AGAP1: variants seen among roughly 807,000 people sequenced by gnomAD.
The protein encoded by AGAP1 is arf-GAP with GTPase, ANK repeat and PH domain-containing protein 1.
A neutral mutation model predicts 105.3 loss-of-function variants in AGAP1; 29 were observed. The ratio of observed to expected loss-of-function variants is 0.28; its 90% confidence interval spans 0.21 to 0.38. The LOEUF (loss-of-function observed/expected upper bound fraction) is 0.38. Ranked by LOEUF, AGAP1 falls within the 10% of genes least tolerant of loss-of-function variation. The pLI, the probability that AGAP1 is intolerant of heterozygous loss-of-function variation, is 1.00. For missense variants in AGAP1, 998 were observed against 1,165.1 expected (o/e 0.86, Z 2.09); for synonymous variants, 509 against 485.9 (o/e 1.05, Z -0.63).
chr2:235,672,358 AG>A (rs1948481878), intron 1 of AGAP1, among the ~76,000 whole-genome samples: 1 of 152,252 alleles, frequency 6.6e-6, no homozygotes, highest in Non-Finnish European at 1.5e-5. Flanking sequence ...GTTGAAACCA[AG>A]CAGTGGCATG....
In AGAP1 at chr2:236,046,980, T is replaced by A. The variant is rs1030485398; in HGVS notation, c.1892-2079T>A. On this transcript the variant is annotated intron_variant, in intron 15 of 17. Transcript: ENST00000304032. The surrounding 1 kb of genome is among the most constrained non-coding windows in gnomAD (Gnocchi z 5.2). ...CCATCTGTGCAAAAAATGTAAGAAG[T>A]TAGCCAGGCATGGTGATGTGCACCT... Among the ~76,000 whole-genome samples the A allele has an allele frequency of 6.6e-6, 1 of 152,120 alleles. No individual in the cohort carries two copies. The highest frequency in any genetic ancestry group is 1.5e-5 in the Non-Finnish European group (1 of 68,022).
intron 1 of AGAP1, among the ~76,000 whole-genome samples, chr2:235,571,689 A>G (rs1032662770): frequency 2.0e-5 from 3 of 152,098 alleles, no homozygotes; most frequent in Non-Finnish European, 4.4e-5. Flanking sequence ...CACCTGGGAT[A>G]TGGCTTGCTG....
chr2:235,590,967 T>C (rs1309608933), intron 1 of AGAP1, among the ~76,000 whole-genome samples: 1 of 151,758 alleles, frequency 6.6e-6, no homozygotes, highest in Non-Finnish European at 1.5e-5. Flanking sequence ...GTGATCCGCC[T>C]GTCTCGGCCT....
intron 1 of AGAP1, among the ~76,000 whole-genome samples, chr2:235,629,712 T>C (rs1463215368): frequency 7.8e-6 from 1 of 128,738 alleles, no homozygotes; most frequent in Non-Finnish European, 1.7e-5. Context: ...CTACAATAAA[T>C]GTAAAAAAAA....
intron 1 of AGAP1, among the ~76,000 whole-genome samples, chr2:235,697,125 G>A (rs1482519658): frequency 6.6e-6 from 1 of 152,206 alleles, no homozygotes; most frequent in Non-Finnish European, 1.5e-5. Flanking sequence ...GCACCAGCCA[G>A]CTTTAGGTCT....
chr2:235,658,800 G>A (rs1947854402), intron 1 of AGAP1, among the ~76,000 whole-genome samples: 1 of 152,214 alleles, frequency 6.6e-6, no homozygotes, highest in African/African-American at 2.4e-5. Flanking sequence ...CAAATGAAAT[G>A]GGAGCCTGTT....
intron 1 of AGAP1, among the ~76,000 whole-genome samples, chr2:235,584,146 C>A (rs1240281310): frequency 6.6e-6 from 1 of 151,490 alleles, no homozygotes; most frequent in Non-Finnish European, 1.5e-5. Flanking sequence ...AGGCTGTCTT[C>A]CAGCCTTGCC....
At chr2:235,536,447 T>C (rs865964498) in intron 1 of AGAP1, among the ~76,000 whole-genome samples, 4 of 62,168 alleles carry the variant, frequency 6.4e-5, no homozygotes, top group African/African-American at 1.6e-4. Flanking sequence ...AGCAGGACCC[T>C]GGGGTTTGTT....
chr2:235,536,142 T>TACACACAC (rs58090095), intron 1 of AGAP1, among the ~76,000 whole-genome samples: 6 of 16,408 alleles, frequency 3.7e-4, no homozygotes, highest in African/African-American at 1.4e-3. Flanking sequence ...TGTGGCATCC[T>TACACACAC]ACACACACAC....
At chr2:236,057,955 G>C (rs1003480962) in intron 16 of AGAP1, among the ~76,000 whole-genome samples, 4 of 152,136 alleles carry the variant, frequency 2.6e-5, no homozygotes, top group Non-Finnish European at 5.9e-5. Flanking sequence ...CCCTCCCCGG[G>C]GGTTGTGGAG....
rs1411239021 is a variant in AGAP1, at chr2:236,105,541, C to G, written c.2115-14651C>G. Among the ~76,000 whole-genome samples the G allele has an allele frequency of 1.4e-5, 2 of 145,358 alleles. No individual in the cohort carries two copies. The highest frequency in any genetic ancestry group is 3.0e-5 in the Non-Finnish European group (2 of 66,878). On this transcript the variant is annotated intron_variant, in intron 16 of 17. Transcript: ENST00000304032. The surrounding 1 kb of genome is among the most constrained non-coding windows in gnomAD (Gnocchi z 4.2). ...TGTGGAGGAGAGAGGAGAGGGGCAT[C>G]TCTCGTGTCTTTTTTTTTTTTTTTT...
rs550880082 is a variant in AGAP1 at position 236,014,490 on chromosome 2, G to A, written c.1646-22071G>A. On this transcript the variant is annotated intron_variant, in intron 13 of 17. Transcript: ENST00000304032. The surrounding 1 kb of genome is among the most constrained non-coding windows in gnomAD (Gnocchi z 6.3). ...TTTCCCAAGGCAGAGGCCAGTTTTT[G>A]TGCTGTTTTGAGTAGCCACGTGTGA... Among the ~76,000 whole-genome samples, 2 of 152,162 alleles carry A rather than the reference G, an allele frequency of 1.3e-5. No individual in the cohort carries two copies. The highest frequency in any genetic ancestry group is 2.9e-5 in the Non-Finnish European group (2 of 68,044).
chr2:235,619,210 G>C (rs1486720409), intron 1 of AGAP1, among the ~76,000 whole-genome samples: 1 of 152,224 alleles, frequency 6.6e-6, no homozygotes, highest in Admixed American at 6.5e-5. Flanking sequence ...GTTTGTTACA[G>C]TGGTAATAGG....
chr2:235,943,362 ATTTT>A (rs562379887), intron 12 of AGAP1, among the ~76,000 whole-genome samples: 1 of 127,104 alleles, frequency 7.9e-6, no homozygotes, highest in Non-Finnish European at 1.6e-5. Context: ...AAAGGACTTA[ATTTT>A]TTTTTTTTTT....
rs575803844 is a variant in AGAP1, at chr2:235,563,164, G to A, written c.163+68315G>A. On this transcript the variant is annotated intron_variant, in intron 1 of 17. Transcript: ENST00000304032. ...GAATGCAGCATCTCTGTTGTACTTG[G>A]GAGGTGTGCAGCCCCAGCATCTCAT... Among the ~76,000 whole-genome samples the A allele has an allele frequency of 3.3e-5, 5 of 152,312 alleles. No individual in the cohort carries two copies. The East Asian group carries it at 9.7e-4, about 29-fold the overall frequency.
Position 235,973,384 on chromosome 2 carries a change from C to T in AGAP1, c.1645+4761C>T, listed in dbSNP as rs979514461. Among the ~76,000 whole-genome samples the T allele has an allele frequency of 6.6e-6, 1 of 152,138 alleles. No homozygotes were observed. Among genetic ancestry groups the T allele is most frequent in the African/African-American group, 2.4e-5 (1 of 41,416 alleles). On this transcript the variant is annotated intron_variant, in intron 13 of 17. Transcript: ENST00000304032. This position sits in a 1 kb window ranked among gnomAD's most constrained non-coding sequence, Gnocchi z 4.7. ...TATCTTTTTGTGTATATTTTGGGTT[C>T]TGAGGATTACCAGGAGATGTGTGGA...
In AGAP1 at chr2:235,752,898, C is replaced by G. The variant is rs184716661; in HGVS notation, c.673+2410C>G. On this transcript the variant is annotated intron_variant, in intron 6 of 17. Coordinates refer to ENST00000304032, the MANE Select transcript of AGAP1 (RefSeq NM_001037131.3). The surrounding 1 kb of genome is among the most constrained non-coding windows in gnomAD (Gnocchi z 4.3). ...AACAGACTTTTACTTGTCCTACTTA[C>G]GGAGGATGGGAGTCCAGGGCCAGGT... Among the ~76,000 whole-genome samples, 2 of 152,142 alleles carry G rather than the reference C, an allele frequency of 1.3e-5. No individual in the cohort carries two copies. The highest frequency in any genetic ancestry group is 6.5e-5 in the Admixed American group (1 of 15,268).
chr2:235,766,485 A>G (rs1416488599), intron 6 of AGAP1, among the ~76,000 whole-genome samples: 3 of 152,174 alleles, frequency 2.0e-5, no homozygotes, highest in African/African-American at 7.2e-5. Flanking sequence ...AATAAAACAC[A>G]CTGGTTTAAG....
In AGAP1 at chr2:235,960,088, C is replaced by G. The variant is rs913634902; in HGVS notation, c.1484-8374C>G. Among the ~76,000 whole-genome samples the G allele has an allele frequency of 4.6e-5, 7 of 152,198 alleles. No individual in the cohort carries two copies. Among genetic ancestry groups the G allele is most frequent in the Non-Finnish European group, 1.0e-4 (7 of 68,032 alleles). On this transcript the variant is annotated intron_variant, in intron 12 of 17. Coordinates refer to ENST00000304032, the MANE Select transcript of AGAP1 (RefSeq NM_001037131.3). This position sits in a 1 kb window ranked among gnomAD's most constrained non-coding sequence, Gnocchi z 4.9. ...GCAGCATGGCCTGGAAAGTCACTGC[C>G]TCAACTCCATGCCTCCAAATGGGGG... is the stretch of plus-strand genomic sequence containing the variant.
Sources: allele counts gnomAD v4.1 joint callset (sites outside exome capture counted in the v4.1 genomes callset), GRCh38; gene constraint gnomAD v4.1.1; non-coding constraint Gnocchi (gnomAD v3.1); transcripts MANE v1.5; gene names NCBI Gene and HGNC (gene_info 2026-07-23, HGNC 2026-07-21).